CPVL: variants seen among roughly 807,000 people sequenced by gnomAD.
CPVL encodes carboxypeptidase vitellogenic like, also known as probable serine carboxypeptidase CPVL.
A neutral mutation model predicts 63.7 loss-of-function variants in CPVL; 51 were observed. That is an observed-to-expected ratio of 0.80 (90% CI 0.64 to 1.01). The LOEUF (loss-of-function observed/expected upper bound fraction) is 1.01. CPVL is among the 50% of genes least tolerant of loss of function. CPVL has a pLI of 0.00. For missense variants in CPVL, 530 were observed against 573.1 expected (o/e 0.92, Z 0.77); for synonymous variants, 195 against 206.0 (o/e 0.95, Z 0.46).
intron 1 of CPVL, among the ~76,000 whole-genome samples, chr7:29,141,347 G>A (rs1479197407): frequency 6.6e-6 from 1 of 151,952 alleles, no homozygotes; most frequent in Non-Finnish European, 1.5e-5. Flanking sequence ...GTCAGGAGTT[G>A]GAGACCAGCC....
intron 11 of CPVL, among the ~76,000 whole-genome samples, chr7:29,032,953 T>C (rs1788172617): frequency 6.6e-6 from 1 of 152,194 alleles, no homozygotes; most frequent in Non-Finnish European, 1.5e-5. Flanking sequence ...AGTCAAGACT[T>C]ATCTTGTTAG....
chr7:29,145,553 T>TTTTTTTTTTTTTTTTTTTTTG (rs1554347055), intron 1 of CPVL, among the ~76,000 whole-genome samples: 2 of 151,038 alleles, frequency 1.3e-5, no homozygotes, highest in Non-Finnish European at 3.0e-5. Context: ...GCCAGAGTTT[T>TTTTTTTTTTTTTTTTTTTTTG]AAACATTATT....
At chr7:29,051,771 T>C (rs1463165741) in intron 11 of CPVL, among the ~76,000 whole-genome samples, 1 of 152,014 alleles carries the variant, frequency 6.6e-6, no homozygotes, top group Non-Finnish European at 1.5e-5. Context: ...GAAGTCATTA[T>C]ATGAAAAAGA....
chr7:29,126,868 A>C (rs1790080025), intron 1 of CPVL: 1 of 152,146 alleles, frequency 6.6e-6, no homozygotes, highest in South Asian at 2.1e-4. Context: ...ACAGAGTCTC[A>C]CTATGTTGAC....
intron 5 of CPVL, among the ~76,000 whole-genome samples, chr7:29,170,699 A>G (rs541226833): frequency 2.1e-4 from 32 of 152,334 alleles, no homozygotes; most frequent in East Asian, 5.8e-4. Context: ...GTCTGTTTTC[A>G]CACTGCTGAT....
intron 1 of CPVL, among the ~76,000 whole-genome samples, chr7:29,140,655 T>C (rs1185210459): frequency 1.3e-5 from 2 of 152,292 alleles, no homozygotes; most frequent in East Asian, 1.9e-4. Context: ...GAAAAAAGCA[T>C]TGAGGAAGCA....
chr7:29,065,930 T>C (rs1366811634), intron 10 of CPVL, 93 bp downstream of exon 10: 3 of 711,486 alleles, frequency 4.2e-6, no homozygotes, highest in East Asian at 5.1e-5. Context: ...TGGTCTAGTA[T>C]AAAGTCATCT....
intron 11 of CPVL, among the ~76,000 whole-genome samples, chr7:29,032,998 G>A (rs117333990): frequency 0.017 from 2,536 of 152,232 alleles, 30 homozygotes; most frequent in Non-Finnish European, 0.028. Context: ...CCAACTCTCT[G>A]GACCAAGAAA....
chr7:29,016,263 A>C (rs1786399277), intron 12 of CPVL, among the ~76,000 whole-genome samples: 1 of 151,876 alleles, frequency 6.6e-6, no homozygotes, highest in South Asian at 2.1e-4. Flanking sequence ...AGGCAGGAGA[A>C]TCGCTTGAAC....
intron 5 of CPVL, among the ~76,000 whole-genome samples, chr7:29,153,779 A>G (rs1793957861): frequency 6.6e-6 from 1 of 152,120 alleles, no homozygotes; most frequent in African/African-American, 2.4e-5. Flanking sequence ...CATGTTGGCC[A>G]GGCTGGTCTC....
chr7:29,121,078 T>C lies in CPVL; in HGVS notation c.-10-7A>G, dbSNP rs756800131. ...ACCAACCATCTCTCAGGGTCTAGGA[T>C]AAAAACAGCATTCCAAAAATGAATC... On this transcript the variant is annotated splice_polypyrimidine_tract_variant and splice_region_variant and intron_variant, in intron 1 of 12. Coordinates refer to ENST00000265394, the MANE Select transcript of CPVL (RefSeq NM_031311.5). 5.5e-5 allele frequency: 86 copies of C among 1,563,768 alleles called. No individual in the cohort carries two copies. The East Asian group carries it at 1.8e-3, about 34-fold the overall frequency.
chr7:29,103,175 T>G (rs323198), intron 3 of CPVL, among the ~76,000 whole-genome samples: 23,183 of 45,092 alleles, frequency 0.51, 4,088 homozygotes, highest in Non-Finnish European at 0.54. Flanking sequence ...AGTAAGTTAA[T>G]ATACTGGGGG....
intron 11 of CPVL, among the ~76,000 whole-genome samples, chr7:29,035,703 G>T (rs1236994343): frequency 6.6e-6 from 1 of 152,176 alleles, no homozygotes; most frequent in Non-Finnish European, 1.5e-5. Context: ...CAATTACAGG[G>T]TATGGATTCT....
In CPVL at chr7:29,120,959, G is replaced by A. The variant is rs1161651221; in HGVS notation, c.103C>T (p.Pro35Ser). The change falls in exon 2 of 13, where the codon CCT becomes TCT. Residue 35 changes from proline (P) to serine (S), a missense_variant. By Grantham distance (74) the Pro-to-Ser change is moderately conservative. Transcript: ENST00000265394. ...AATGGCTGTCCTGAGTCTCCCTTAG[G>A]TGGCATGGAAACACTTCTGTATAGG... is the stretch of plus-strand genomic sequence containing the variant. Reference protein sequence around the residue: ...RSLYRSVSMPPKGDSGQPLFL... With the variant: ...RSLYRSVSMPSKGDSGQPLFL... The A allele has an allele frequency of 6.8e-6, 11 of 1,613,808 alleles. No homozygotes were observed. The highest frequency in any genetic ancestry group is 8.5e-6 in the Non-Finnish European group (10 of 1,179,988).
chr7:29,116,914 GCAATAATAAGACT>G (rs1354023529), intron 2 of CPVL, among the ~76,000 whole-genome samples: 4 of 152,150 alleles, frequency 2.6e-5, no homozygotes. Flanking sequence ...ATGTTCCATT[GCAATAATAAGACT>G]CACGTTCCTA....
intron 12 of CPVL, among the ~76,000 whole-genome samples, chr7:29,021,764 G>C (rs1003662291): frequency 4.6e-5 from 7 of 151,836 alleles, no homozygotes; most frequent in African/African-American, 1.7e-4. Context: ...TGAGATTCAA[G>C]CAGCTACGGC....
intron 12 of CPVL, among the ~76,000 whole-genome samples, chr7:29,022,920 A>G (rs920559597): frequency 6.6e-6 from 1 of 152,206 alleles, no homozygotes; most frequent in Non-Finnish European, 1.5e-5. Flanking sequence ...CCAATGCTGG[A>G]GCCCATGCAT....
intron 5 of CPVL, among the ~76,000 whole-genome samples, chr7:29,170,594 A>G (rs1458218188): frequency 6.6e-6 from 1 of 152,216 alleles, no homozygotes; most frequent in African/African-American, 2.4e-5. Context: ...TGACAAATGT[A>G]TGTCTTCTAG....
intron 3 of CPVL, among the ~76,000 whole-genome samples, chr7:29,106,243 C>T (rs117409786): frequency 0.021 from 3,217 of 152,228 alleles, 78 homozygotes; most frequent in Non-Finnish European, 0.027. Context: ...AAGGGAACGA[C>T]CCTCTGGGGT....
Sources: gnomAD v4.1 joint callset for allele counts (sites outside exome capture counted in the v4.1 genomes callset) on GRCh38, gnomAD v4.1.1 for gene constraint, MANE v1.5 for transcripts, NCBI Gene and HGNC (gene_info 2026-07-23, HGNC 2026-07-21) for gene names.